Variants in MYO18A observed in about 807,000 individuals in gnomAD.
The protein encoded by MYO18A is myosin XVIIIA.
A neutral mutation model predicts 235.8 loss-of-function variants in MYO18A; 78 were observed. That is an observed-to-expected ratio of 0.33 (90% CI 0.28 to 0.40). The LOEUF (loss-of-function observed/expected upper bound fraction) is 0.40, where lower values mean the gene tolerates loss of function less well. Ranked by LOEUF, MYO18A falls within the 10% of genes least tolerant of loss-of-function variation. The probability of loss-of-function intolerance (pLI) is 1.00; values close to 1 mark genes in which losing one functional copy is unlikely to be tolerated. For missense variants in MYO18A, 2,215 were observed against 2,699.3 expected, an observed-to-expected ratio of 0.82 and a Z score of 3.98; for synonymous variants, 977 against 1,077.8, an observed-to-expected ratio of 0.91 and a Z score of 1.83.
At chr17:29,102,270 A>G (rs563625928) in intron 21 of MYO18A, among the ~76,000 whole-genome samples, 18 of 152,292 alleles carry the variant, frequency 1.2e-4, no homozygotes, top group African/African-American at 4.3e-4. Flanking sequence ...AGGCCTGGGA[A>G]CCCAGGCATG....
At chr17:29,174,276 C>T (rs1340149632) in intron 1 of MYO18A, among the ~76,000 whole-genome samples, 8 of 151,692 alleles carry the variant, frequency 5.3e-5, no homozygotes, top group Admixed American at 2.0e-4. Context: ...GAGGCCAAGG[C>T]GGGAGGACTG....
chr17:29,084,997 G>A (rs570026348), intron 40 of MYO18A, among the ~76,000 whole-genome samples: 21 of 152,298 alleles, frequency 1.4e-4, no homozygotes, highest in African/African-American at 4.8e-4. Flanking sequence ...CTCTGCCCAC[G>A]GTACCGCAGG....
chr17:29,087,796 T>A (rs2066291921), intron 37 of MYO18A, among the ~76,000 whole-genome samples: 1 of 152,076 alleles, frequency 6.6e-6, no homozygotes, highest in African/African-American at 2.4e-5. Context: ...CGTTTGTGTT[T>A]AACATCCTAT....
intron 2 of MYO18A, among the ~76,000 whole-genome samples, chr17:29,159,415 T>C (rs1598390189): frequency 1.3e-5 from 2 of 151,610 alleles, no homozygotes; most frequent in East Asian, 3.9e-4. Flanking sequence ...ATGCCAGGGG[T>C]GCCTGAAGCT....
chr17:29,090,093 T>G lies in MYO18A; in HGVS notation c.5394A>C (p.Gln1798His), dbSNP rs1693711723. 1 of 1,612,294 alleles carries G rather than the reference T, an allele frequency of 6.2e-7. No homozygotes were observed. The highest frequency in any genetic ancestry group is 8.5e-7 in the Non-Finnish European group (1 of 1,179,088). ...KEKQELQEKL[Q>H]ALQSQVEFLE... is the part of the protein sequence containing the mutation. The stretch of plus-strand genomic sequence containing the variant: ...GGAACTCCACCTGGCTCTGGAGGGC[T>G]TGTAGCTAGAGGTGGGGGACAGGAA... The change falls in exon 37 of 42, where the codon CAA becomes CAC. Residue 1798 changes from glutamine (Q) to histidine (H), a missense_variant. Physicochemically the swap from Gln to His is conservative, Grantham distance 24. Transcript: ENST00000527372.
At position 29,080,703 on chromosome 17, in the gene MYO18A, G is replaced by A; in HGVS notation, c.6020+1613C>T. The A allele has an allele frequency of 1.6e-5, 16 of 985,390 alleles. No homozygotes were observed. The South Asian group carries it at 1.9e-4, about 12-fold the overall frequency. 61.0% of individuals were successfully genotyped at this position (985,390 alleles called of 1,614,324 possible). ...AGACGGTGGAGGCCGGGCTGAAGTC[G>A]GAGCCCCACCGCTTCTGCGGCCCCC... On this transcript the variant is annotated intron_variant, in intron 41 of 41. Coordinates refer to ENST00000527372, the MANE Select transcript of MYO18A (RefSeq NM_078471.4).
chr17:29,145,673 A>G (rs898308785), intron 2 of MYO18A, among the ~76,000 whole-genome samples: 3 of 152,194 alleles, frequency 2.0e-5, no homozygotes, highest in Non-Finnish European at 2.9e-5. Flanking sequence ...CGTTTGAGTG[A>G]CTGAGTGAAA....
intron 1 of MYO18A, among the ~76,000 whole-genome samples, chr17:29,177,506 A>G (rs573156907): frequency 3.3e-5 from 5 of 152,184 alleles, no homozygotes; most frequent in Non-Finnish European, 1.5e-5. Context: ...CTCCCAATCC[A>G]GCTCCTACCT....
chr17:29,100,876 A>C (rs559207227), intron 21 of MYO18A, among the ~76,000 whole-genome samples: 6 of 152,354 alleles, frequency 3.9e-5, no homozygotes, highest in South Asian at 4.1e-4. Context: ...AACTCCACAG[A>C]AACCTGGTCC....
In MYO18A at chr17:29,166,120, T is replaced by A; in HGVS notation, c.821A>T (p.Asp274Val). The stretch of plus-strand genomic sequence containing the variant: ...GTGCCCATTAATCTCCACCAGTCGA[T>A]CTCCTGGCACCAGCCCCAGGGCCAG... The part of the protein sequence containing the change: ...KDLALGLVPG[D>V]RLVEINGHNV... Residue 274 changes from aspartate to valine, a missense_variant, in exon 2 of 42, where the codon GAT (aspartate) becomes GTT (valine). Transcript: ENST00000527372. The A allele has an allele frequency of 1.2e-6, 2 of 1,613,286 alleles. No homozygotes were observed. Among genetic ancestry groups the A allele is most frequent in the Middle Eastern group, 1.6e-4 (1 of 6,062 alleles).
rs367850252 is a variant in MYO18A at position 29,090,488 on chromosome 17, G to A, written c.5388+44C>T. ...CTTGGGGGTTCCTCCCACACCTAGT[G>A]ACCCTGGCACTCTCTCTCTCCTGAG... On this transcript the variant is annotated intron_variant, in intron 36 of 41. Transcript: ENST00000527372. 9.6e-5 allele frequency: 146 copies of A among 1,524,134 alleles called. 2 individuals are homozygous for A. The Middle Eastern group carries it at 5.7e-3, about 60-fold the overall frequency. 94.4% of individuals were successfully genotyped at this position (1,524,134 alleles called of 1,614,324 possible).
At chr17:29,079,120 T>C (rs1379290945) in intron 41 of MYO18A, among the ~76,000 whole-genome samples, 1 of 152,184 alleles carries the variant, frequency 6.6e-6, no homozygotes, top group East Asian at 1.9e-4. Flanking sequence ...GGGCCACTGA[T>C]GTGCACCAAC....
At chr17:29,092,275 G>A in intron 34 of MYO18A, 68 bp downstream of exon 34, 1 of 1,188,880 alleles carries the variant, frequency 8.4e-7, no homozygotes, top group Non-Finnish European at 1.2e-6. Flanking sequence ...AGGGTGAAGG[G>A]AGCCACAGAG....
rs941989059 is a variant in MYO18A, at chr17:29,125,162, C to A, written c.1000-2909G>T. On this transcript the variant is annotated intron_variant, in intron 2 of 41. Transcript: ENST00000527372. The surrounding 1 kb of genome is among the most constrained non-coding windows in gnomAD (Gnocchi z 5.1). The stretch of plus-strand genomic sequence containing the variant: ...CCTAGCTCCCCTGTGGCCACCAGCA[C>A]AGAGCTGTTCCTTGCCTTCTAACAC... 2.6e-5 allele frequency among the ~76,000 whole-genome samples: 4 copies of A among 152,186 alleles called. No individual in the cohort carries two copies. Among genetic ancestry groups the A allele is most frequent in the African/African-American group, 9.7e-5 (4 of 41,444 alleles).
rs1468902428 is a variant in MYO18A, at chr17:29,166,862, G to C, written c.79C>G (p.Arg27Gly). The change falls in exon 2 of 42, where the codon CGG (arginine) becomes GGG (glycine). Residue 27 changes from arginine to glycine, a missense_variant. By Grantham distance (125) the Arg-to-Gly change is moderately radical. Coordinates refer to ENST00000527372, the MANE Select transcript of MYO18A (RefSeq NM_078471.4). ...EKKEKKEKKERMSAAELRSLE... is the reference protein window; with the variant it reads ...EKKEKKEKKEGMSAAELRSLE... The stretch of plus-strand genomic sequence containing the variant: ...CTCCGAAGCTCTGCCGCTGACATCC[G>C]CTCCTTTTTCTCCTTTTTCTCCTTC... The C allele has an allele frequency of 4.5e-6, 7 of 1,560,066 alleles. No homozygotes were observed. The East Asian group carries it at 7.2e-5, about 16-fold the overall frequency.
chr17:29,117,980 T>C lies in MYO18A; in HGVS notation c.2038+65A>G. ...GTGCTGGGCAAGAATAAACTGGGAG[T>C]GGGCAGGGTCCCTGTGAGGTCACCC... On this transcript the variant is annotated intron_variant, in intron 10 of 41. Coordinates refer to ENST00000527372, the MANE Select transcript of MYO18A (RefSeq NM_078471.4). The surrounding 1 kb of genome is among the most constrained non-coding windows in gnomAD (Gnocchi z 4.6). 6.6e-6 allele frequency: 10 copies of C among 1,517,406 alleles called. No individual in the cohort carries two copies. Among genetic ancestry groups the C allele is most frequent in the Non-Finnish European group, 8.9e-6 (10 of 1,124,186 alleles). The allele number at this position is 1,517,406 out of a possible 1,614,324, so 94.0% of individuals were successfully genotyped here. A position where few individuals can be genotyped will look rare whatever the true frequency, so the allele number is the denominator to read the frequency against.
In MYO18A at chr17:29,118,341, C is replaced by T; in HGVS notation, c.1893+36G>A. The T allele has an allele frequency of 2.5e-6, 4 of 1,589,198 alleles. No individual in the cohort carries two copies. Among genetic ancestry groups the T allele is most frequent in the African/African-American group, 1.3e-5 (1 of 74,560 alleles). On this transcript the variant is annotated intron_variant, in intron 9 of 41. Coordinates refer to ENST00000527372, the MANE Select transcript of MYO18A (RefSeq NM_078471.4). This position sits in a 1 kb window ranked among gnomAD's most constrained non-coding sequence, Gnocchi z 4.2. ...TGGAGGCTTCTCCTACCCCCAAGGC[C>T]CAGGGCTGGCAACCCAGACCCCACA...
intron 30 of MYO18A, 193 bp downstream of exon 30, chr17:29,094,457 A>C: frequency 1.6e-6 from 1 of 637,628 alleles, no homozygotes; most frequent in South Asian, 2.0e-5. Context: ...GTTTTTGTGG[A>C]AAGTTCCACG....
Position 29,109,908 on chromosome 17 carries a change from G to GCA in MYO18A, c.3280_3281insTG (p.Thr1094MetfsTer40). The GCA allele has an allele frequency of 6.3e-7, 1 of 1,585,738 alleles. No homozygotes were observed. ...GAGCAGGCGGGAGCCGCGGAGCTGGGTGCGGAGCAGGGGCACGTCGAGCTG... is the reference window on the plus strand; with the variant it reads ...GAGCAGGCGGGAGCCGCGGAGCTGGGCATGCGGAGCAGGGGCACGTCGAGCTG... On this transcript the variant is annotated frameshift_variant, in exon 19 of 42. Coordinates refer to ENST00000527372, the MANE Select transcript of MYO18A (RefSeq NM_078471.4). LOFTEE classifies it high-confidence loss of function. This position sits in a 1 kb window ranked among gnomAD's most constrained non-coding sequence, Gnocchi z 4.1.
Sources: allele counts gnomAD v4.1 joint callset (sites outside exome capture counted in the v4.1 genomes callset), GRCh38; gene constraint gnomAD v4.1.1; non-coding constraint Gnocchi (gnomAD v3.1); transcripts MANE v1.5; gene names NCBI Gene and HGNC (gene_info 2026-07-23, HGNC 2026-07-21).